The following DAB1 variants were observed in gnomAD, a reference collection of about 807,000 sequenced individuals.
DAB1 encodes disabled homolog 1.
DAB1 carries 15 observed loss-of-function variants against 64.6 expected under a neutral mutation model. That is an observed-to-expected ratio of 0.23 (90% CI 0.16 to 0.36). DAB1 has a LOEUF of 0.36. DAB1 is among the 10% of genes least tolerant of loss of function. DAB1 has a pLI of 1.00. For synonymous variants in DAB1, 235 were observed against 251.9 expected (o/e 0.93, Z 0.64); for missense variants, 596 against 706.7 (o/e 0.84, Z 1.78).
At chr1:57,988,279 AGG>A (rs956900157) in intron 5 of DAB1, among the ~76,000 whole-genome samples, 11 of 152,188 alleles carry the variant, frequency 7.2e-5, no homozygotes, top group African/African-American at 2.4e-4. Flanking sequence ...GTGGAGACAC[AGG>A]GCATGTACAA....
intron 7 of DAB1, among the ~76,000 whole-genome samples, chr1:57,600,440 C>T (rs1324156271): frequency 6.6e-6 from 1 of 152,174 alleles, no homozygotes; most frequent in Non-Finnish European, 1.5e-5. Flanking sequence ...CTTTCTAGAA[C>T]AAAGCAGGAC....
At chr1:57,747,858 G>A (rs1322516443) in intron 6 of DAB1, among the ~76,000 whole-genome samples, 1 of 142,136 alleles carries the variant, frequency 7.0e-6, no homozygotes, top group Non-Finnish European at 1.5e-5. Context: ...TCTGAGCTAG[G>A]CCAACTGGCA....
At chr1:58,246,032 GT>G (rs1660512405) in intron 4 of DAB1, among the ~76,000 whole-genome samples, 1 of 152,016 alleles carries the variant, frequency 6.6e-6, no homozygotes, top group Non-Finnish European at 1.5e-5. Flanking sequence ...AACACAGAAG[GT>G]ATTTAGGTGG....
intron 6 of DAB1, among the ~76,000 whole-genome samples, chr1:57,811,281 G>T (rs1651607663): frequency 6.6e-6 from 1 of 152,208 alleles, no homozygotes; most frequent in Non-Finnish European, 1.5e-5. Context: ...GGTGGAAGGT[G>T]ATTAGATCAC....
chr1:57,796,043 C>T (rs1015772406), intron 6 of DAB1, among the ~76,000 whole-genome samples: 1 of 151,832 alleles, frequency 6.6e-6, no homozygotes, highest in African/African-American at 2.4e-5. Context: ...CTCTAGAATT[C>T]ATGTGTGCAG....
intron 5 of DAB1, among the ~76,000 whole-genome samples, chr1:58,076,279 G>C (rs919357972): frequency 2.0e-5 from 3 of 152,140 alleles, no homozygotes; most frequent in African/African-American, 7.2e-5. Flanking sequence ...GAAACATGTA[G>C]AGATTAATTA....
chr1:57,281,336 G>C (rs573903439), intron 2 of DAB1, among the ~76,000 whole-genome samples: 14 of 152,272 alleles, frequency 9.2e-5, no homozygotes, highest in Non-Finnish European at 1.8e-4. Context: ...AGCATTTCTG[G>C]AGAAAAGTAA....
intron 4 of DAB1, among the ~76,000 whole-genome samples, chr1:58,161,322 A>G (rs1655524835): frequency 6.6e-6 from 1 of 152,336 alleles, no homozygotes. Flanking sequence ...TGCATACAGT[A>G]GCCTGGGAAG....
chr1:57,185,569 G>A (rs1663460783), intron 2 of DAB1, among the ~76,000 whole-genome samples: 2 of 152,096 alleles, frequency 1.3e-5, no homozygotes, highest in Admixed American at 6.6e-5. Flanking sequence ...CGCATAGAGG[G>A]CCCTTTAGGA....
At position 57,089,847 on chromosome 1, in the gene DAB1, C is replaced by T. The variant is rs573665745; in HGVS notation, c.307-17433G>A. Among the ~76,000 whole-genome samples the T allele has an allele frequency of 1.3e-3, 193 of 152,338 alleles. 1 individual carries two copies. Among genetic ancestry groups the T allele is most frequent in the Middle Eastern group, 0.01 (3 of 294 alleles). On this transcript the variant is annotated intron_variant, in intron 4 of 14. Coordinates refer to ENST00000371236, the MANE Select transcript of DAB1 (RefSeq NM_001365792.1). ...TTTACAGTCTTGTCCCAGAACTGTACTGTGACTGCTGGTTTGTGAACACAC... is the reference window on the plus strand; with the variant it reads ...TTTACAGTCTTGTCCCAGAACTGTATTGTGACTGCTGGTTTGTGAACACAC...
intron 4 of DAB1, among the ~76,000 whole-genome samples, chr1:58,317,191 CT>C (rs1662576665): frequency 6.6e-6 from 1 of 152,242 alleles, no homozygotes; most frequent in Non-Finnish European, 1.5e-5. Flanking sequence ...AATTAGGTGT[CT>C]CCTCTGCCAA....
At chr1:58,358,490 A>G (rs1644132291) in intron 3 of DAB1, among the ~76,000 whole-genome samples, 1 of 152,206 alleles carries the variant, frequency 6.6e-6, no homozygotes, top group African/African-American at 2.4e-5. Flanking sequence ...TCTGAAAGCA[A>G]ACAAGTCAAT....
chr1:57,191,291 C>A (rs1664100450), intron 2 of DAB1, among the ~76,000 whole-genome samples: 2 of 152,192 alleles, frequency 1.3e-5, no homozygotes, highest in African/African-American at 4.8e-5. Context: ...ACGCCCACAC[C>A]TGAGAGGCCT....
At chr1:57,954,846 A>G (rs943414789) in intron 5 of DAB1, among the ~76,000 whole-genome samples, 1 of 152,072 alleles carries the variant, frequency 6.6e-6, no homozygotes, top group Admixed American at 6.6e-5. Context: ...CACACCCATT[A>G]CCTCATTTTA....
intron 2 of DAB1, among the ~76,000 whole-genome samples, chr1:57,281,325 A>G (rs1671869961): frequency 6.6e-6 from 1 of 152,194 alleles, no homozygotes; most frequent in Non-Finnish European, 1.5e-5. Flanking sequence ...TGGGTCACCA[A>G]AGCATTTCTG....
chr1:57,948,481 G>C (rs1354457484), intron 5 of DAB1, among the ~76,000 whole-genome samples: 1 of 152,156 alleles, frequency 6.6e-6, no homozygotes, highest in Non-Finnish European at 1.5e-5. Flanking sequence ...CTATTTATTT[G>C]TGTAGCATCA....
At chr1:57,528,345 G>GA (rs1374662819) in intron 7 of DAB1, among the ~76,000 whole-genome samples, 2 of 151,984 alleles carry the variant, frequency 1.3e-5, no homozygotes, top group African/African-American at 4.8e-5. Flanking sequence ...ATAAAATTTG[G>GA]AAAAAATAGT....
At chr1:58,380,384 C>G (rs555764285) in intron 3 of DAB1, among the ~76,000 whole-genome samples, 11 of 152,122 alleles carry the variant, frequency 7.2e-5, no homozygotes, top group Non-Finnish European at 1.5e-4. Flanking sequence ...TTGTAAGTTT[C>G]CTAAGGCCTC....
intron 1 of DAB1, among the ~76,000 whole-genome samples, chr1:58,545,048 C>T (rs564804714): frequency 6.6e-6 from 1 of 152,252 alleles, no homozygotes; most frequent in South Asian, 2.1e-4. Flanking sequence ...CGTTGGTTTT[C>T]CATGGCTTCC....
Sources: allele counts gnomAD v4.1 joint callset (sites outside exome capture counted in the v4.1 genomes callset), GRCh38; gene constraint gnomAD v4.1.1; transcripts MANE v1.5; gene names NCBI Gene and HGNC (gene_info 2026-07-23, HGNC 2026-07-21).